The following ASIC5 variants were observed in gnomAD, a reference collection of about 807,000 sequenced individuals.
ASIC5 encodes acid sensing ion channel subunit family member 5, also known as bile acid-sensitive ion channel.
ASIC5 carries 52 observed loss-of-function variants against 51.2 expected under a neutral mutation model. The ratio of observed to expected loss-of-function variants is 1.02; its 90% CI spans 0.81 to 1.28. ASIC5 has a LOEUF of 1.28. Ranked by LOEUF, ASIC5 falls within the 50% of genes most tolerant of loss-of-function variation. The pLI, the probability that ASIC5 is intolerant of heterozygous loss-of-function variation, is 0.00. For synonymous variants in ASIC5, 231 were observed against 200.7 expected, an observed-to-expected ratio of 1.15 and a Z score of -1.28; for missense variants, 635 against 595.0, an observed-to-expected ratio of 1.07 and a Z score of -0.70.
intron 1 of ASIC5, among the ~76,000 whole-genome samples, chr4:155,864,195 T>C (rs558326591): frequency 1.3e-5 from 2 of 152,340 alleles, no homozygotes; most frequent in East Asian, 1.9e-4. Flanking sequence ...TGTTCTTAAC[T>C]AATGTTTGTC....
chr4:155,847,531 G>A (rs1315598414), intron 4 of ASIC5, among the ~76,000 whole-genome samples: 3 of 151,954 alleles, frequency 2.0e-5, no homozygotes, highest in South Asian at 2.1e-4. Context: ...GACCAGCCTG[G>A]CCAATATGGT....
intron 8 of ASIC5, among the ~76,000 whole-genome samples, chr4:155,833,031 A>T (rs1253214302): frequency 6.6e-6 from 1 of 152,146 alleles, no homozygotes; most frequent in Admixed American, 6.5e-5. Flanking sequence ...ATCTGACATG[A>T]CTATATACAG....
At chr4:155,841,872 C>T (rs539231605) in intron 6 of ASIC5, among the ~76,000 whole-genome samples, 9 of 152,080 alleles carry the variant, frequency 5.9e-5, no homozygotes, top group Admixed American at 5.9e-4. Context: ...GATAATTTTC[C>T]AGTGTAGAAT....
chr4:155,834,161 G>A (rs1740928275), intron 8 of ASIC5, among the ~76,000 whole-genome samples: 1 of 152,226 alleles, frequency 6.6e-6, no homozygotes. Context: ...TTATCTTCAA[G>A]GGTAAACTCC....
At chr4:155,844,629 GTT>G (rs61023895) in intron 4 of ASIC5, among the ~76,000 whole-genome samples, 1 of 151,704 alleles carries the variant, frequency 6.6e-6, no homozygotes, top group African/African-American at 2.4e-5. Context: ...GTGTGTGTGT[GTT>G]TTGGTTCTTT....
intron 4 of ASIC5, among the ~76,000 whole-genome samples, chr4:155,849,545 T>C (rs770860475): frequency 1.2e-3 from 176 of 152,188 alleles, no homozygotes; most frequent in Middle Eastern, 6.8e-3. Context: ...ATTAATCCTT[T>C]AGTTAGGATT....
At chr4:155,836,290 C>T (rs901608128) in intron 8 of ASIC5, among the ~76,000 whole-genome samples, 17 of 152,294 alleles carry the variant, frequency 1.1e-4, no homozygotes, top group Admixed American at 7.8e-4. Context: ...TCAGTTTCCT[C>T]TTCTGTAAAA....
At chr4:155,832,030 C>A in intron 8 of ASIC5, 115 bp from the exon 9 acceptor site, 1 of 551,474 alleles carries the variant, frequency 1.8e-6, no homozygotes, top group Non-Finnish European at 3.3e-6. Context: ...GTTAAACTGA[C>A]ACAGAATTGT....
rs771130277 is a variant in ASIC5, at chr4:155,863,754, C to A, written c.41G>T (p.Gly14Val). 1 of 1,603,822 alleles carries A rather than the reference C, an allele frequency of 6.2e-7. No individual in the cohort carries two copies. Among genetic ancestry groups the A allele is most frequent in the South Asian group, 1.1e-5 (1 of 90,272 alleles). The change falls in exon 2 of 10, where the codon GGA becomes GTA. Residue 14 changes from glycine (G) to valine (V), a missense_variant and splice_region_variant. Transcript: ENST00000537611. Reference sequence around the variant, plus strand: ...GCAAAGCTTTATCTTTTCTAAGAGTCCTTAAGGTTTTGCCCATAAAATGAT... The same window carrying A: ...GCAAAGCTTTATCTTTTCTAAGAGTACTTAAGGTTTTGCCCATAAAATGAT... Reference protein sequence around the residue: ...TEKSKVYAENGLLEKIKLCLS... With the variant: ...TEKSKVYAENVLLEKIKLCLS...
In ASIC5 at chr4:155,838,813, C is replaced by T; in HGVS notation, c.1066G>A (p.Asp356Asn). ...KYFSCVSPVL[D>N]HIEFKDLCTV... is the part of the protein sequence containing the mutation. ...AAATAAAAGTAAATTAAGCACTTAC[C>T]AAGTACAGGAGAAACACAGCTGAAG... Residue 356 changes from aspartate to asparagine, a missense_variant and splice_region_variant, in exon 7 of 10, where the codon GAC becomes AAC. By Grantham distance (23) the Asp-to-Asn change is conservative (BLOSUM62 1). Transcript: ENST00000537611. The T allele has an allele frequency of 6.4e-7, 1 of 1,569,678 alleles. No homozygotes were observed.
At chr4:155,831,320 A>G (rs1740865732) in intron 9 of ASIC5, among the ~76,000 whole-genome samples, 1 of 152,174 alleles carries the variant, frequency 6.6e-6, no homozygotes, top group Non-Finnish European at 1.5e-5. Context: ...CCTTTTCTTT[A>G]TAAAAGTCCA....
At position 155,863,699 on chromosome 4, in the gene ASIC5, A is replaced by T. The variant is rs1468439050; in HGVS notation, c.96T>A (p.Thr32=). The change falls in exon 2 of 10, where the codon ACT becomes ACA. Residue 32 remains threonine, a synonymous_variant. Coordinates refer to ENST00000537611, the MANE Select transcript of ASIC5 (RefSeq NM_017419.3). ...CLSKKPLPSP[T]ERKKFDHDFA... is the part of the protein sequence containing the mutation. Reference sequence around the variant, plus strand: ...AGTCATGGTCAAACTTCTTTCGCTCAGTGGGAGATGGCAGTGGTTTCTTTG... The same window carrying T: ...AGTCATGGTCAAACTTCTTTCGCTCTGTGGGAGATGGCAGTGGTTTCTTTG... 6 of 1,613,852 alleles carry T rather than the reference A, an allele frequency of 3.7e-6. No individual in the cohort carries two copies. The Admixed American group carries it at 1.0e-4, about 27-fold the overall frequency.
chr4:155,852,643 C>T (rs188523291), intron 3 of ASIC5, among the ~76,000 whole-genome samples: 4 of 152,006 alleles, frequency 2.6e-5, no homozygotes, highest in Admixed American at 2.0e-4. Flanking sequence ...CTTCAGCATC[C>T]TTTCTTGGAG....
chr4:155,839,497 AGAGCTGGG>A (rs1441406749), intron 6 of ASIC5, among the ~76,000 whole-genome samples: 1 of 152,148 alleles, frequency 6.6e-6, no homozygotes, highest in East Asian at 1.9e-4. Flanking sequence ...ACTATGTATC[AGAGCTGGG>A]TTTACTCCTA....
intron 4 of ASIC5, among the ~76,000 whole-genome samples, chr4:155,849,840 A>T (rs757211120): frequency 6.6e-6 from 1 of 152,102 alleles, no homozygotes; most frequent in Non-Finnish European, 1.5e-5. Context: ...CTATTTACAT[A>T]CATAAGCCAC....
chr4:155,850,526 C>T (rs558877891), intron 4 of ASIC5, among the ~76,000 whole-genome samples: 1 of 152,078 alleles, frequency 6.6e-6, no homozygotes, highest in African/African-American at 2.4e-5. Flanking sequence ...ACTTGTCTCA[C>T]CGTTTTTCTC....
chr4:155,842,176 T>A (rs1741132574), intron 6 of ASIC5, 31 bp downstream of exon 6: 1 of 1,605,894 alleles, frequency 6.2e-7, no homozygotes, highest in Non-Finnish European at 8.5e-7. Flanking sequence ...AACTGTCTAG[T>A]TAAGTAAGGG....
intron 4 of ASIC5, among the ~76,000 whole-genome samples, chr4:155,846,782 A>T (rs969950754): frequency 1.3e-5 from 2 of 152,120 alleles, no homozygotes; most frequent in African/African-American, 2.4e-5. Flanking sequence ...ATAAAGTTAT[A>T]TTCAGTTAAA....
chr4:155,842,133 C>T (rs1741131753), intron 6 of ASIC5, 74 bp downstream of exon 6: 1 of 1,395,928 alleles, frequency 7.2e-7, no homozygotes, highest in Admixed American at 1.8e-5. Context: ...CTCTATTTCT[C>T]CCAGACCTTT....
Sources: gnomAD v4.1 joint callset for allele counts (sites outside exome capture counted in the v4.1 genomes callset) on GRCh38, gnomAD v4.1.1 for gene constraint, MANE v1.5 for transcripts, NCBI Gene and HGNC (gene_info 2026-07-23, HGNC 2026-07-21) for gene names.